The following SORCS2 variants were observed in gnomAD, a reference collection of about 807,000 sequenced individuals.
SORCS2 encodes VPS10 domain-containing receptor SorCS2.
In SORCS2, 100 loss-of-function variants were observed where a neutral mutation model predicts 141.6. The observed-to-expected ratio is 0.71, with a 90% CI of 0.60 to 0.83. The LOEUF (loss-of-function observed/expected upper bound fraction) is 0.83, where lower values mean the gene tolerates loss of function less well. Among genes scored for constraint, SORCS2 ranks in the 40% least tolerant of loss-of-function variants. The pLI is 0.00. For missense variants in SORCS2, 1,646 were observed against 1,560.2 expected (o/e 1.05, Z -0.93); for synonymous variants, 789 against 676.9 (o/e 1.17, Z -2.57).
intron 1 of SORCS2, among the ~76,000 whole-genome samples, chr4:7,265,347 T>C (rs1444324393): frequency 2.0e-5 from 3 of 152,036 alleles, no homozygotes; most frequent in Non-Finnish European, 4.4e-5. Flanking sequence ...AAAAATTAGC[T>C]GGGCATGCTG....
intron 1 of SORCS2, among the ~76,000 whole-genome samples, chr4:7,232,467 A>T (rs906621459): frequency 5.1e-4 from 78 of 152,260 alleles, no homozygotes; most frequent in Middle Eastern, 3.4e-3. Flanking sequence ...GTCACCCCCC[A>T]CGGCAGCCCA....
At position 7,472,268 on chromosome 4, in the gene SORCS2, C is replaced by G. The variant is rs143802015; in HGVS notation, c.549-59262C>G. 4.0e-3 allele frequency among the ~76,000 whole-genome samples: 616 copies of G among 152,292 alleles called. 6 individuals carry two copies. Among genetic ancestry groups the G allele is most frequent in the African/African-American group, 0.014 (575 of 41,548 alleles). ...GGGCCTGGGGCTGGCTGCACAGGGGCACTTTCCCCACCTGCTGGGTTGGGG... is the reference window on the plus strand; with the variant it reads ...GGGCCTGGGGCTGGCTGCACAGGGGGACTTTCCCCACCTGCTGGGTTGGGG... On this transcript the variant is annotated intron_variant, in intron 2 of 26. Coordinates refer to ENST00000507866, the MANE Select transcript of SORCS2 (RefSeq NM_020777.3).
chr4:7,430,003 G>C (rs1247961805), intron 2 of SORCS2, among the ~76,000 whole-genome samples: 1 of 152,178 alleles, frequency 6.6e-6, no homozygotes, highest in Non-Finnish European at 1.5e-5. Context: ...CCACTGTCCT[G>C]GGCCCTGTGG....
intron 19 of SORCS2, among the ~76,000 whole-genome samples, chr4:7,724,921 G>GGTGAT (rs1560115089): frequency 1.0e-4 from 4 of 38,876 alleles, no homozygotes; most frequent in African/African-American, 4.2e-4. Flanking sequence ...TGGTGGGAAT[G>GGTGAT]GATGGTGGTA....
intron 19 of SORCS2, among the ~76,000 whole-genome samples, chr4:7,724,590 GT>G (rs1726965655): frequency 1.4e-5 from 1 of 69,562 alleles, no homozygotes; most frequent in South Asian, 5.8e-4. Context: ...TGGTGGTGGT[GT>G]TGGTGATGGT....
intron 3 of SORCS2, among the ~76,000 whole-genome samples, chr4:7,636,486 A>C (rs185455430): frequency 7.3e-4 from 111 of 152,196 alleles, no homozygotes; most frequent in African/African-American, 2.6e-3. Context: ...TTCAAATTCC[A>C]TGGCTGTGCG....
intron 11 of SORCS2, among the ~76,000 whole-genome samples, chr4:7,692,265 G>A (rs1724305384): frequency 6.6e-6 from 1 of 152,280 alleles, no homozygotes; most frequent in Admixed American, 6.5e-5. Flanking sequence ...GGAGGTGGCT[G>A]GGGATGATGG....
intron 3 of SORCS2, among the ~76,000 whole-genome samples, chr4:7,557,586 T>C (rs529191290): frequency 4.5e-4 from 69 of 152,260 alleles, no homozygotes; most frequent in Non-Finnish European, 9.0e-4. Context: ...GATTCTGTTA[T>C]CATAGTGATC....
chr4:7,621,138 C>T (rs1226112978), intron 3 of SORCS2, among the ~76,000 whole-genome samples: 3 of 152,182 alleles, frequency 2.0e-5, no homozygotes, highest in Non-Finnish European at 4.4e-5. Context: ...TCATGTCCAT[C>T]CTGGGCAGTG....
intron 26 of SORCS2, among the ~76,000 whole-genome samples, chr4:7,737,942 C>G (rs1712328239): frequency 6.6e-6 from 1 of 152,232 alleles, no homozygotes; most frequent in African/African-American, 2.4e-5. Context: ...GACACCTGCA[C>G]ATGGTCTCGC....
chr4:7,707,840 G>A (rs541097906), intron 14 of SORCS2, among the ~76,000 whole-genome samples: 5 of 152,318 alleles, frequency 3.3e-5, no homozygotes, highest in East Asian at 1.9e-4. Context: ...TGCAAGCACC[G>A]CCTGCAGGGG....
chr4:7,507,081 C>A lies in SORCS2; in HGVS notation c.549-24449C>A, dbSNP rs183127930. ...AGTTGTGTTTCTGAGCATTTATTGG[C>A]TTCATCCAGAATTGTGGTATTTTAG... On this transcript the variant is annotated intron_variant, in intron 2 of 26. Coordinates refer to ENST00000507866, the MANE Select transcript of SORCS2 (RefSeq NM_020777.3). 5.5e-3 allele frequency among the ~76,000 whole-genome samples: 833 copies of A among 152,268 alleles called. 4 individuals carry two copies. Among genetic ancestry groups the A allele is most frequent in the Middle Eastern group, 0.027 (8 of 294 alleles).
intron 1 of SORCS2, among the ~76,000 whole-genome samples, chr4:7,220,596 A>G (rs1205939733): frequency 6.6e-6 from 1 of 152,158 alleles, no homozygotes; most frequent in African/African-American, 2.4e-5. Context: ...GATTCAGGCA[A>G]GGGGCTGCTG....
At chr4:7,439,084 C>G (rs1299185139) in intron 2 of SORCS2, among the ~76,000 whole-genome samples, 1 of 152,090 alleles carries the variant, frequency 6.6e-6, no homozygotes, top group African/African-American at 2.4e-5. Flanking sequence ...ATGAAATGTG[C>G]TCATTGCTCC....
chr4:7,709,193 G>C (rs1158062270), intron 14 of SORCS2, among the ~76,000 whole-genome samples: 3 of 152,190 alleles, frequency 2.0e-5, no homozygotes, highest in Non-Finnish European at 4.4e-5. Flanking sequence ...GCAGAGCCGC[G>C]GGGGGCCAGC....
At chr4:7,477,905 T>C (rs1730399863) in intron 2 of SORCS2, among the ~76,000 whole-genome samples, 1 of 152,094 alleles carries the variant, frequency 6.6e-6, no homozygotes, top group Non-Finnish European at 1.5e-5. Context: ...CATTTCACAG[T>C]GAGGTAAACT....
chr4:7,336,047 G>A (rs1179967466), intron 1 of SORCS2, among the ~76,000 whole-genome samples: 1 of 152,208 alleles, frequency 6.6e-6, no homozygotes, highest in East Asian at 1.9e-4. Flanking sequence ...CACCATAAGC[G>A]CTGTGTGCAG....
chr4:7,439,915 G>T (rs1404586901), intron 2 of SORCS2, among the ~76,000 whole-genome samples: 1 of 152,120 alleles, frequency 6.6e-6, no homozygotes, highest in Non-Finnish European at 1.5e-5. Context: ...GGGCAGGTGG[G>T]TATGTGCTGA....
intron 2 of SORCS2, among the ~76,000 whole-genome samples, chr4:7,518,561 G>A (rs1167971941): frequency 6.6e-6 from 1 of 152,166 alleles, no homozygotes; most frequent in African/African-American, 2.4e-5. Context: ...GTAACACTCT[G>A]GGTTTTAGAG....
Sources: allele counts gnomAD v4.1 joint callset (sites outside exome capture counted in the v4.1 genomes callset), GRCh38; gene constraint gnomAD v4.1.1; transcripts MANE v1.5; gene names NCBI Gene and HGNC (gene_info 2026-07-23, HGNC 2026-07-21).